The following ALK variants were observed in gnomAD, a reference collection of about 807,000 sequenced individuals.
ALK encodes the protein ALK tyrosine kinase receptor.
ALK carries 74 observed loss-of-function variants against 163.1 expected under a neutral mutation model. The observed-to-expected ratio is 0.45, with a 90% CI of 0.38 to 0.55. The LOEUF (loss-of-function observed/expected upper bound fraction) is 0.55, where lower values mean the gene tolerates loss of function less well. Ranked by LOEUF, ALK falls within the 20% of genes least tolerant of loss-of-function variation. ALK has a pLI of 0.00. For missense variants in ALK, 2,063 were observed against 2,105.3 expected, an observed-to-expected ratio of 0.98 and a Z score of 0.39; for synonymous variants, 960 against 843.2, an observed-to-expected ratio of 1.14 and a Z score of -2.40.
intron 3 of ALK, among the ~76,000 whole-genome samples, chr2:29,687,550 C>T (rs1249063586): frequency 6.6e-6 from 1 of 151,696 alleles, no homozygotes; most frequent in African/African-American, 2.4e-5. Flanking sequence ...AAAAGGATAG[C>T]ATGTTTTATC....
chr2:29,477,751 G>A (rs111283492), intron 4 of ALK, among the ~76,000 whole-genome samples: 2 of 152,278 alleles, frequency 1.3e-5, no homozygotes, highest in African/African-American at 4.8e-5. Context: ...TGTGTGGGCA[G>A]GGGCAACAAG....
At chr2:29,856,349 G>A (rs1413498191) in intron 1 of ALK, among the ~76,000 whole-genome samples, 2 of 152,212 alleles carry the variant, frequency 1.3e-5, no homozygotes, top group African/African-American at 4.8e-5. Context: ...TGTAGTATCA[G>A]CACAAAGTAA....
chr2:29,302,688 A>G (rs1353643252), intron 8 of ALK, among the ~76,000 whole-genome samples: 2 of 152,200 alleles, frequency 1.3e-5, no homozygotes, highest in Admixed American at 6.5e-5. Flanking sequence ...TAAGATTGCA[A>G]ACTGGCAGTC....
intron 1 of ALK, among the ~76,000 whole-genome samples, chr2:29,805,633 G>A (rs1664589884): frequency 2.0e-5 from 3 of 152,096 alleles, no homozygotes; most frequent in African/African-American, 7.2e-5. Context: ...TGAGGATAAT[G>A]GCTTCCAGTT....
At chr2:29,404,114 G>A (rs1669521466) in intron 4 of ALK, among the ~76,000 whole-genome samples, 1 of 151,942 alleles carries the variant, frequency 6.6e-6, no homozygotes, top group Non-Finnish European at 1.5e-5. Flanking sequence ...GACCAGCCTG[G>A]CCAACATGGT....
At chr2:29,512,396 C>A (rs1029511656) in intron 4 of ALK, among the ~76,000 whole-genome samples, 108 of 148,616 alleles carry the variant, frequency 7.3e-4, no homozygotes, top group African/African-American at 2.7e-3. Flanking sequence ...AAGACAAAAA[C>A]CACATGATTA....
At chr2:29,663,018 C>T (rs1341670812) in intron 3 of ALK, among the ~76,000 whole-genome samples, 2 of 152,122 alleles carry the variant, frequency 1.3e-5, no homozygotes, top group Non-Finnish European at 1.5e-5. Context: ...CACAAATTGA[C>T]TCATAGCTCA....
chr2:29,505,051 T>G (rs1672281593), intron 4 of ALK, among the ~76,000 whole-genome samples: 1 of 151,940 alleles, frequency 6.6e-6, no homozygotes, highest in Non-Finnish European at 1.5e-5. Flanking sequence ...AGGTCCAGTG[T>G]GGTTAGGATT....
At chr2:29,566,181 T>C (rs1674183212) in intron 3 of ALK, among the ~76,000 whole-genome samples, 2 of 152,200 alleles carry the variant, frequency 1.3e-5, no homozygotes, top group Admixed American at 6.5e-5. Flanking sequence ...TATTTCTGCA[T>C]GTTCGCGAGG....
intron 4 of ALK, among the ~76,000 whole-genome samples, chr2:29,520,110 C>T (rs543888240): frequency 6.6e-6 from 1 of 152,274 alleles, no homozygotes; most frequent in South Asian, 2.1e-4. Context: ...AAAAGGCACA[C>T]ACGGACAGGG....
intron 3 of ALK, among the ~76,000 whole-genome samples, chr2:29,542,848 A>G (rs1443460913): frequency 6.6e-6 from 1 of 152,214 alleles, no homozygotes; most frequent in Admixed American, 6.5e-5. Flanking sequence ...GTCAATCAGA[A>G]AACACATGCC....
intron 1 of ALK, among the ~76,000 whole-genome samples, chr2:29,775,495 C>T (rs531613294): frequency 2.3e-4 from 35 of 151,952 alleles, no homozygotes; most frequent in African/African-American, 8.5e-4. Flanking sequence ...TAGTCAGAAA[C>T]CTGTTCCACC....
intron 3 of ALK, among the ~76,000 whole-genome samples, chr2:29,595,639 T>C (rs996739251): frequency 1.3e-4 from 20 of 152,156 alleles, no homozygotes; most frequent in Non-Finnish European, 2.5e-4. Flanking sequence ...GAGTTTGAGA[T>C]TGATCTGTGA....
chr2:29,694,843 C>G lies in ALK; in HGVS notation c.952+7G>C, dbSNP rs1277253538. On this transcript the variant is annotated splice_region_variant and intron_variant, in intron 3 of 28. Transcript: ENST00000389048. ...ACCCAGGACATCACCAGCAGCCTCT[C>G]CCTTACCTCTGGGCATCTCCTTAGA... 6.2e-7 allele frequency: 1 copy of G among 1,613,622 alleles called. No homozygotes were observed. The highest frequency in any genetic ancestry group is 1.7e-5 in the Admixed American group (1 of 60,030).
intron 5 of ALK, among the ~76,000 whole-genome samples, chr2:29,353,724 A>T (rs1473440278): frequency 7.4e-6 from 1 of 134,552 alleles, no homozygotes; most frequent in South Asian, 2.2e-4. Flanking sequence ...GTGAGGATCT[A>T]AAAAAAAAAA....
intron 4 of ALK, among the ~76,000 whole-genome samples, chr2:29,403,709 C>CAAAAAAAAAAAAAA (rs67270103): frequency 1.1e-4 from 8 of 74,184 alleles, no homozygotes; most frequent in East Asian, 5.4e-4. Context: ...CAGGTCTCTA[C>CAAAAAAAAAAAAAA]AAAAAAAAAA....
At chr2:29,228,808 GAGGGC>G in intron 16 of ALK, 71 bp downstream of exon 16, 1 of 941,306 alleles carries the variant, frequency 1.1e-6, no homozygotes, top group African/African-American at 1.8e-5. Context: ...GAGGGCAGGG[GAGGGC>G]AGGGCAGGGA....
intron 3 of ALK, among the ~76,000 whole-genome samples, chr2:29,606,053 C>T (rs1675534491): frequency 2.0e-5 from 3 of 152,158 alleles, no homozygotes; most frequent in South Asian, 2.1e-4. Context: ...CTCCCCATAA[C>T]CTCACAAGTG....
At chr2:29,625,623 T>G (rs1296445878) in intron 3 of ALK, among the ~76,000 whole-genome samples, 2 of 152,260 alleles carry the variant, frequency 1.3e-5, no homozygotes, top group Non-Finnish European at 2.9e-5. Context: ...TTTTCATCAC[T>G]GTGTCAGCAT....
Sources: gnomAD v4.1 joint callset for allele counts (sites outside exome capture counted in the v4.1 genomes callset) on GRCh38, gnomAD v4.1.1 for gene constraint, MANE v1.5 for transcripts, NCBI Gene and HGNC (gene_info 2026-07-23, HGNC 2026-07-21) for gene names.